The following GLS2 variants were observed in gnomAD, a reference collection of about 807,000 sequenced individuals.
The protein encoded by GLS2 is glutaminase liver isoform, mitochondrial.
In GLS2, 52 loss-of-function variants were observed where a neutral mutation model predicts 79.0. The ratio of observed to expected loss-of-function variants is 0.66; its 90% CI spans 0.53 to 0.83. The LOEUF (loss-of-function observed/expected upper bound fraction) is 0.83. Among genes scored for constraint, GLS2 ranks in the 40% least tolerant of loss-of-function variants. GLS2 has a pLI of 0.00. For synonymous variants in GLS2, 238 were observed against 280.8 expected (o/e 0.85, Z 1.52); for missense variants, 561 against 764.8 (o/e 0.73, Z 3.14).
chr12:56,475,131 A>G (rs1869691050), intron 9 of GLS2, 21 bp from the exon 10 acceptor site: 1 of 1,613,638 alleles, frequency 6.2e-7, no homozygotes, highest in South Asian at 1.1e-5. Context: ...CACCCAATTT[A>G]GTACTTGAAG....
chr12:56,479,812 A>C lies in GLS2; in HGVS notation c.372T>G (p.Ser124Arg), dbSNP rs747595700. The change falls in exon 3 of 18, where the codon AGT (serine) becomes AGG (arginine). Residue 124 changes from serine (S) to arginine (R), a missense_variant. Coordinates refer to ENST00000311966, the MANE Select transcript of GLS2 (RefSeq NM_013267.4). ...AGAGATCTCGGTCCAAGAGGCCACC[A>C]CTACTGGACTCTTGGACCACGCGGT... ...EMHRVVQESSSGGLLDRDLFR... is the reference protein window; with the variant it reads ...EMHRVVQESSRGGLLDRDLFR... The C allele has an allele frequency of 6.2e-7, 1 of 1,609,748 alleles. No homozygotes were observed. Among genetic ancestry groups the C allele is most frequent in the Non-Finnish European group, 8.5e-7 (1 of 1,178,358 alleles).
chr12:56,472,198 G>T lies in GLS2; in HGVS notation c.1512-3C>A. 6.2e-7 allele frequency: 1 copy of T among 1,614,100 alleles called. No individual in the cohort carries two copies. Among genetic ancestry groups the T allele is most frequent in the South Asian group, 1.1e-5 (1 of 91,080 alleles). ...TATCCATGGCTGACAAGGCAAACCT[G>T]AGGGTAGTGGGAAAGCAGCTAGAGT... On this transcript the variant is annotated splice_polypyrimidine_tract_variant and splice_region_variant and intron_variant, in intron 15 of 17. Coordinates refer to ENST00000311966, the MANE Select transcript of GLS2 (RefSeq NM_013267.4).
At chr12:56,487,678 T>C (rs1334629675) in intron 1 of GLS2, 17 of 531,118 alleles carry the variant, frequency 3.2e-5, no homozygotes, top group Non-Finnish European at 5.2e-5. Flanking sequence ...CGCGCATCTG[T>C]GATCCGGGTT....
rs1869212890 is a variant in GLS2, at chr12:56,470,976, G to C, written c.*511C>G. 2 of 174,300 alleles carry C rather than the reference G, an allele frequency of 1.1e-5. No individual in the cohort carries two copies. The highest frequency in any genetic ancestry group is 2.4e-5 in the African/African-American group (1 of 42,412). The allele number at this position is 174,300 out of a possible 1,614,324, so 10.8% of individuals were successfully genotyped here. ...ATGATTTGGTAATTAAAGTTTATTTGAACACAAAATACTTTCTCTGTCTAT... is the reference window on the plus strand; with the variant it reads ...ATGATTTGGTAATTAAAGTTTATTTCAACACAAAATACTTTCTCTGTCTAT... On this transcript the variant is annotated 3_prime_UTR_variant, in exon 18 of 18. Coordinates refer to ENST00000311966, the MANE Select transcript of GLS2 (RefSeq NM_013267.4).
rs1298789195 is a variant in GLS2, at chr12:56,471,828, C to T, written c.1597G>A (p.Glu533Lys). Residue 533 changes from glutamate (E) to lysine (K), a missense_variant, in exon 17 of 18, where the codon GAA (glutamate) becomes AAA (lysine). This residue lies in a region of GLS2 where 136 missense variants were observed against 228.6 expected (regional missense o/e 0.59). Transcript: ENST00000311966. ...GCCTCGATCAGGAATTTAACAACTT[C>T]GATGTGTCCTAGGAATATGGGCAGA... ...LHVAAAEGHIEVVKFLIEACK... is the reference protein window; with the variant it reads ...LHVAAAEGHIKVVKFLIEACK... 8 of 1,613,822 alleles carry T rather than the reference C, an allele frequency of 5.0e-6. No homozygotes were observed. The South Asian group carries it at 7.7e-5, about 16-fold the overall frequency.
chr12:56,478,110 G>C lies in GLS2; in HGVS notation c.615-14C>G, dbSNP rs780048669. ...CCCACAGAGTGCCTGGAGGCAGACA[G>C]ATGCCATGAAAGGGGTTGGCCTGTG... On this transcript the variant is annotated splice_polypyrimidine_tract_variant and intron_variant, in intron 5 of 17. Transcript: ENST00000311966. The C allele has an allele frequency of 6.2e-7, 1 of 1,614,088 alleles. No homozygotes were observed. Among genetic ancestry groups the C allele is most frequent in the Non-Finnish European group, 8.5e-7 (1 of 1,179,940 alleles).
chr12:56,481,665 C>T (rs184611501), intron 1 of GLS2, among the ~76,000 whole-genome samples: 2,207 of 150,324 alleles, frequency 0.015, 61 homozygotes, highest in African/African-American at 0.039. Flanking sequence ...CTGAGGCAGG[C>T]GGATCACCTG....
At chr12:56,474,951 T>C (rs1471827078) in intron 10 of GLS2, 55 bp from the exon 11 acceptor site, 1 of 1,613,738 alleles carries the variant, frequency 6.2e-7, no homozygotes. Flanking sequence ...CCTTTCACAC[T>C]GTCAGGGTCT....
Position 56,471,419 on chromosome 12 carries a change from G to C in GLS2, c.*68C>G, listed in dbSNP as rs764210976. 6.7e-7 allele frequency: 1 copy of C among 1,489,348 alleles called. No individual in the cohort carries two copies. Among genetic ancestry groups the C allele is most frequent in the South Asian group, 1.3e-5 (1 of 76,230 alleles). 92.3% of individuals were successfully genotyped at this position (1,489,348 alleles called of 1,614,324 possible). ...AGTGTAGCTCTCCATAGTATTTTTG[G>C]TGGTTATGGATTACATGTGTGGCCA... is the stretch of plus-strand genomic sequence containing the variant. On this transcript the variant is annotated 3_prime_UTR_variant, in exon 18 of 18. Transcript: ENST00000311966.
At chr12:56,477,807 T>A in intron 6 of GLS2, 89 bp from the exon 7 acceptor site, 1 of 1,545,234 alleles carries the variant, frequency 6.5e-7, no homozygotes, top group South Asian at 1.2e-5. Context: ...CAAGAAAGAC[T>A]GCTAGGGAGA....
intron 3 of GLS2, 166 bp from the exon 4 acceptor site, chr12:56,479,347 G>T: frequency 1.3e-6 from 1 of 758,182 alleles, no homozygotes; most frequent in Non-Finnish European, 2.0e-6. Flanking sequence ...CTTAGTTTCC[G>T]TACCTCTAAA....
chr12:56,487,683 C>T (rs112058019), intron 1 of GLS2: 254 of 533,956 alleles, frequency 4.8e-4, no homozygotes, highest in African/African-American at 4.5e-3. Flanking sequence ...ATCTGTGATC[C>T]GGGTTAAGTG....
chr12:56,486,004 ACT>A (rs1870652111), intron 1 of GLS2, among the ~76,000 whole-genome samples: 1 of 103,080 alleles, frequency 9.7e-6, no homozygotes, highest in South Asian at 3.6e-4. Flanking sequence ...CGGCAAAGAG[ACT>A]CTGTCTCCAA....
intron 2 of GLS2, 98 bp from the exon 3 acceptor site, chr12:56,479,999 C>T: frequency 2.0e-6 from 3 of 1,464,226 alleles, no homozygotes; most frequent in Non-Finnish European, 2.8e-6. Context: ...TGAACCCCAA[C>T]CACTACAATA....
chr12:56,480,257 T>C (rs1188064142), intron 2 of GLS2, 31 bp downstream of exon 2: 1 of 1,570,362 alleles, frequency 6.4e-7, no homozygotes, highest in African/African-American at 1.3e-5. Flanking sequence ...CTTAAGGAAT[T>C]AGGATCCTGA....
chr12:56,486,107 GCT>G (rs1311337579), intron 1 of GLS2, among the ~76,000 whole-genome samples: 1 of 151,288 alleles, frequency 6.6e-6, no homozygotes, highest in Non-Finnish European at 1.5e-5. Flanking sequence ...CCTCTTTGCT[GCT>G]CTCTTTCCTC....
chr12:56,481,206 T>TG (rs1870262109), intron 1 of GLS2, among the ~76,000 whole-genome samples: 3 of 141,992 alleles, frequency 2.1e-5, no homozygotes, highest in Non-Finnish European at 1.5e-5. Flanking sequence ...GATCTTTTTT[T>TG]TTTTTTTTTT....
At position 56,478,838 on chromosome 12, in the gene GLS2, C is replaced by A. The variant is rs947110100; in HGVS notation, c.534+214G>T. ...CAAAACCCCATCTCTACTAAAAATACAAAAATTAGTCGGGCATGGTGGTGT... is the reference window on the plus strand; with the variant it reads ...CAAAACCCCATCTCTACTAAAAATAAAAAAATTAGTCGGGCATGGTGGTGT... On this transcript the variant is annotated intron_variant, in intron 4 of 17. Coordinates refer to ENST00000311966, the MANE Select transcript of GLS2 (RefSeq NM_013267.4). The A allele has an allele frequency of 5.8e-6, 3 of 521,280 alleles. No homozygotes were observed. The South Asian group carries it at 7.7e-5, about 13-fold the overall frequency. The allele number at this position is 521,280 out of a possible 1,614,324, so 32.3% of individuals were successfully genotyped here. A position where few individuals can be genotyped will look rare whatever the true frequency, so the allele number is the denominator to read the frequency against.
chr12:56,472,603 G>T, intron 15 of GLS2, 87 bp downstream of exon 15: 3 of 1,198,904 alleles, frequency 2.5e-6, no homozygotes, highest in South Asian at 1.2e-5. Context: ...CAAAGCTGAA[G>T]CACTTAACTA....
Sources: allele counts gnomAD v4.1 joint callset (sites outside exome capture counted in the v4.1 genomes callset), GRCh38; gene constraint gnomAD v4.1.1; regional missense constraint gnomAD v4.1.1; transcripts MANE v1.5; gene names NCBI Gene and HGNC (gene_info 2026-07-23, HGNC 2026-07-21).